LRCH1: variants seen among roughly 807,000 people sequenced by gnomAD.
LRCH1 encodes leucine rich repeats and calponin homology domain containing 1.
Under a neutral mutation model 94.9 loss-of-function variants are expected in LRCH1, and 23 were observed. The observed-to-expected ratio is 0.24, with a 90% CI of 0.17 to 0.34. The LOEUF (loss-of-function observed/expected upper bound fraction) is 0.34, where lower values mean the gene tolerates loss of function less well. LRCH1 is among the 10% of genes least tolerant of loss of function. The pLI is 1.00. For synonymous variants in LRCH1, 364 were observed against 354.9 expected, an observed-to-expected ratio of 1.03 and a Z score of -0.29; for missense variants, 790 against 945.9, an observed-to-expected ratio of 0.84 and a Z score of 2.16.
At chr13:46,693,345 C>T (rs1321722032) in intron 8 of LRCH1, among the ~76,000 whole-genome samples, 1 of 152,184 alleles carries the variant, frequency 6.6e-6, no homozygotes, top group Non-Finnish European at 1.5e-5. Context: ...ACTCCATCAT[C>T]TTTAACACAG....
At chr13:46,663,391 G>A (rs1304274363) in intron 2 of LRCH1, among the ~76,000 whole-genome samples, 2 of 152,200 alleles carry the variant, frequency 1.3e-5, no homozygotes, top group Non-Finnish European at 2.9e-5. Context: ...ATGGTGGAAT[G>A]TAGGGGAAGG....
chr13:46,719,650 C>G (rs897360227), intron 16 of LRCH1, among the ~76,000 whole-genome samples: 4 of 152,172 alleles, frequency 2.6e-5, no homozygotes, highest in African/African-American at 7.2e-5. Context: ...AGGGTCCATG[C>G]TTATCTCTTC....
At chr13:46,668,830 TTTTTA>T (rs2051558474) in intron 2 of LRCH1, among the ~76,000 whole-genome samples, 195 bp from the exon 3 acceptor site, 1 of 93,700 alleles carries the variant, frequency 1.1e-5, no homozygotes, top group African/African-American at 3.2e-5. Flanking sequence ...TTTTTATTTT[TTTTTA>T]AAAAAAGAAA....
intron 10 of LRCH1, among the ~76,000 whole-genome samples, chr13:46,700,460 G>GAGAATCAT (rs1288818757): frequency 6.6e-6 from 1 of 152,158 alleles, no homozygotes; most frequent in African/African-American, 2.4e-5. Flanking sequence ...TAAACAATCA[G>GAGAATCAT]AGAATCATAG....
intron 4 of LRCH1, among the ~76,000 whole-genome samples, chr13:46,684,134 T>G (rs997573658): frequency 6.6e-6 from 1 of 152,216 alleles, no homozygotes; most frequent in Non-Finnish European, 1.5e-5. Context: ...TTTCTAGGAC[T>G]AGAATGAAGA....
chr13:46,752,243 T>C (rs1874171352), exon 19 of LRCH1: 1 of 152,282 alleles, frequency 6.6e-6, no homozygotes, highest in South Asian at 2.1e-4. Context: ...CTAAGTCTTG[T>C]GAATGCTGAC....
chr13:46,685,048 C>T (rs553645263), intron 4 of LRCH1, among the ~76,000 whole-genome samples: 9 of 152,146 alleles, frequency 5.9e-5, no homozygotes, highest in Non-Finnish European at 1.2e-4. Flanking sequence ...TGTTTTAAAG[C>T]GCAATATTCC....
rs201563245 is a variant in LRCH1 at position 46,723,274 on chromosome 13, C to T, written c.1813C>T (p.Arg605Trp). 9.9e-6 allele frequency: 16 copies of T among 1,613,632 alleles called. No homozygotes were observed. Among genetic ancestry groups the T allele is most frequent in the South Asian group, 2.2e-5 (2 of 91,064 alleles). The change falls in exon 17 of 20, where the codon CGG becomes TGG. Residue 605 changes from arginine (R) to tryptophan (W), a missense_variant. By Grantham distance (101) the Arg-to-Trp change is moderately radical. Transcript: ENST00000389797. The stretch of plus-strand genomic sequence containing the variant: ...ATCTATAGACCCGCAGTTTACAATC[C>T]GGAGGAAAATGGAGCAGATGAGAGA... Reference protein sequence around the residue: ...LESIDPQFTIRRKMEQMREEK... With the variant: ...LESIDPQFTIWRKMEQMREEK...
intron 16 of LRCH1, among the ~76,000 whole-genome samples, chr13:46,719,890 T>C (rs1872520654): frequency 6.6e-6 from 1 of 151,812 alleles, no homozygotes; most frequent in South Asian, 2.1e-4. Context: ...CCCAGCTATC[T>C]GGGGGGCTTA....
At chr13:46,594,811 A>G (rs1477578217) in intron 1 of LRCH1, among the ~76,000 whole-genome samples, 1 of 152,238 alleles carries the variant, frequency 6.6e-6, no homozygotes, top group Non-Finnish European at 1.5e-5. Flanking sequence ...CATAGAAAAC[A>G]TATGGCTAAA....
chr13:46,687,977 T>C lies in LRCH1; in HGVS notation c.948T>C (p.Asp316=). ...CACATTTACACCAGCACGTGGAAGATGGGTGAGTCATGCCCTCATTCAAAG... is the reference window on the plus strand; with the variant it reads ...CACATTTACACCAGCACGTGGAAGACGGGTGAGTCATGCCCTCATTCAAAG... ...ERPHLHQHVE[D]GKKDSDSGVG... The change falls in exon 6 of 20, where the codon GAT becomes GAC. Residue 316 remains aspartate, a splice_region_variant and synonymous_variant. Coordinates refer to ENST00000389797, the MANE Select transcript of LRCH1 (RefSeq NM_001164211.2). 1 of 1,611,448 alleles carries C rather than the reference T, an allele frequency of 6.2e-7. No homozygotes were observed. Among genetic ancestry groups the C allele is most frequent in the Non-Finnish European group, 8.5e-7 (1 of 1,178,826 alleles).
intron 2 of LRCH1, among the ~76,000 whole-genome samples, chr13:46,660,408 CA>C (rs201027182): frequency 2.2e-4 from 33 of 146,742 alleles, no homozygotes; most frequent in South Asian, 6.5e-4. Context: ...TCGGCCGTCT[CA>C]AAAAAAAAAT....
intron 3 of LRCH1, among the ~76,000 whole-genome samples, chr13:46,674,450 A>G (rs903183919): frequency 1.3e-5 from 2 of 152,214 alleles, no homozygotes; most frequent in Non-Finnish European, 2.9e-5. Flanking sequence ...ACATTGTTGC[A>G]GGTGCAGGAA....
intron 8 of LRCH1, among the ~76,000 whole-genome samples, chr13:46,693,688 G>T (rs1405525014): frequency 6.6e-6 from 1 of 152,172 alleles, no homozygotes; most frequent in East Asian, 1.9e-4. Context: ...ACTGTCTTGT[G>T]TGCCTTCAAG....
At chr13:46,663,368 C>T (rs902776029) in intron 2 of LRCH1, among the ~76,000 whole-genome samples, 2 of 151,864 alleles carry the variant, frequency 1.3e-5, no homozygotes, top group Admixed American at 6.6e-5. Flanking sequence ...TTGTCTTAGA[C>T]GTGTAATTAA....
chr13:46,690,971 A>C (rs1870865126), intron 7 of LRCH1, among the ~76,000 whole-genome samples: 3 of 152,222 alleles, frequency 2.0e-5, no homozygotes, highest in African/African-American at 7.2e-5. Context: ...GAGATTAAAA[A>C]CATCTTTTTA....
At chr13:46,687,783 A>G in intron 5 of LRCH1, 69 bp from the exon 6 acceptor site, 1 of 1,345,528 alleles carries the variant, frequency 7.4e-7, no homozygotes, top group East Asian at 2.4e-5. Context: ...TATACAGAGT[A>G]AGGATTTGAT....
chr13:46,565,297 T>G (rs1183671581), intron 1 of LRCH1, among the ~76,000 whole-genome samples: 1 of 152,168 alleles, frequency 6.6e-6, no homozygotes, highest in Non-Finnish European at 1.5e-5. Flanking sequence ...TGTACATGCT[T>G]TCAGTGTGTG....
At chr13:46,727,417 C>A (rs183107094) in intron 17 of LRCH1, among the ~76,000 whole-genome samples, 14 of 152,276 alleles carry the variant, frequency 9.2e-5, no homozygotes, top group Non-Finnish European at 1.9e-4. Flanking sequence ...ATCCAACATT[C>A]GTGTCTTGGG....
Sources: allele counts gnomAD v4.1 joint callset (sites outside exome capture counted in the v4.1 genomes callset), GRCh38; gene constraint gnomAD v4.1.1; transcripts MANE v1.5; gene names NCBI Gene and HGNC (gene_info 2026-07-23, HGNC 2026-07-21).